The following SLC2A14 variants were observed in gnomAD, a reference collection of about 807,000 sequenced individuals.
SLC2A14 encodes solute carrier family 2 member 14, also known as solute carrier family 2, facilitated glucose transporter member 14.
SLC2A14 carries 13 observed loss-of-function variants against 43.0 expected under a neutral mutation model. That is an observed-to-expected ratio of 0.30 (90% confidence interval 0.20 to 0.48). The LOEUF (loss-of-function observed/expected upper bound fraction) is 0.48, where lower values mean the gene tolerates loss of function less well. Among genes scored for constraint, SLC2A14 ranks in the 20% least tolerant of loss-of-function variants. The probability of loss-of-function intolerance (pLI) is 0.99; values close to 1 mark genes in which losing one functional copy is unlikely to be tolerated. For synonymous variants in SLC2A14, 190 were observed against 233.8 expected (o/e 0.81, Z 1.71); for missense variants, 428 against 620.4 (o/e 0.69, Z 3.29).
At chr12:7,855,346 C>T (rs1867271424) in intron 2 of SLC2A14, among the ~76,000 whole-genome samples, 1 of 151,876 alleles carries the variant, frequency 6.6e-6, no homozygotes, top group Non-Finnish European at 1.5e-5. Flanking sequence ...CCTATGTTGC[C>T]CATAGACTGG....
chr12:7,842,584 A>T (rs1866055826), intron 2 of SLC2A14, among the ~76,000 whole-genome samples: 1 of 152,190 alleles, frequency 6.6e-6, no homozygotes, highest in Non-Finnish European at 1.5e-5. Flanking sequence ...CTCTAAAGCT[A>T]TAAATGTCCT....
In SLC2A14 at chr12:7,871,403, C is replaced by G. The variant is rs934154232; in HGVS notation, c.-58+1404G>C. ...CACCCCAGCCCTCGCGACACCCTGG[C>G]CCCCCCGCCAGTCATCTCCCCACCC... On this transcript the variant is annotated intron_variant, in intron 1 of 10. Coordinates refer to ENST00000431042, the MANE Select transcript of SLC2A14 (RefSeq NM_001286234.2). 7.2e-6 allele frequency: 2 copies of G among 277,632 alleles called. 1 individual carries two copies. Among genetic ancestry groups the G allele is most frequent in the African/African-American group, 4.6e-5 (2 of 43,622 alleles). 17.2% of individuals were successfully genotyped at this position (277,632 alleles called of 1,614,324 possible).
intron 7 of SLC2A14, among the ~76,000 whole-genome samples, chr12:7,821,825 C>T (rs866504573): frequency 8.6e-5 from 11 of 127,206 alleles, no homozygotes; most frequent in East Asian, 6.9e-4. Context: ...GTATTTCTTT[C>T]TTTTTTTTTT....
At chr12:7,845,839 C>A (rs1162265571) in intron 2 of SLC2A14, among the ~76,000 whole-genome samples, 1 of 148,634 alleles carries the variant, frequency 6.7e-6, no homozygotes, top group Admixed American at 6.8e-5. Flanking sequence ...CGCCTGTAAT[C>A]GCAGCACTTT....
intron 1 of SLC2A14, among the ~76,000 whole-genome samples, chr12:7,884,191 A>G (rs1945649957): frequency 6.6e-6 from 1 of 151,996 alleles, no homozygotes; most frequent in Admixed American, 6.6e-5. Context: ...AAGTGCTGGG[A>G]TTACAGGCAT....
At chr12:7,864,936 C>T (rs1299521973) in intron 2 of SLC2A14, among the ~76,000 whole-genome samples, 1 of 152,134 alleles carries the variant, frequency 6.6e-6, no homozygotes, top group Non-Finnish European at 1.5e-5. Context: ...CTCAAATTTA[C>T]CGTAAAGAGG....
intron 1 of SLC2A14, 80 bp from the exon 2 acceptor site, chr12:7,870,017 C>T (rs1945138418): frequency 1.3e-6 from 1 of 742,016 alleles, no homozygotes; most frequent in Non-Finnish European, 2.1e-6. Context: ...ATTTAGCCCC[C>T]TCGCCAATGG....
At chr12:7,873,642 A>AAAACAAAC (rs144363840), upstream of SLC2A14, among the ~76,000 whole-genome samples, 308 of 151,168 alleles carry the variant, frequency 2.0e-3, 2 homozygotes, top group African/African-American at 6.7e-3. Flanking sequence ...TCCGTCTCAA[A>AAAACAAAC]AAACAAACAA....
At chr12:7,879,582 G>A (rs12319442) in intron 1 of SLC2A14, among the ~76,000 whole-genome samples, 4,442 of 152,136 alleles carry the variant, frequency 0.029, 180 homozygotes, top group African/African-American at 0.087. Context: ...TACTTGGGAG[G>A]CTAAGGCAGG....
chr12:7,815,095 G>A (rs930579006), intron 10 of SLC2A14, among the ~76,000 whole-genome samples: 2 of 151,738 alleles, frequency 1.3e-5, no homozygotes, highest in Admixed American at 1.3e-4. Flanking sequence ...ACTGCACCTG[G>A]CCTTGAGTAT....
At chr12:7,818,134 G>A (rs1294302377) in intron 9 of SLC2A14, 100 bp from the exon 10 acceptor site, 6 of 1,044,124 alleles carry the variant, frequency 5.7e-6, no homozygotes, top group Middle Eastern at 2.3e-4. Context: ...CTGTCCTGAC[G>A]TACAATACAA....
chr12:7,845,753 T>C (rs191428740), intron 2 of SLC2A14, among the ~76,000 whole-genome samples: 1,706 of 106,162 alleles, frequency 0.016, 24 homozygotes, highest in Non-Finnish European at 0.018. Context: ...CACTCCAGCC[T>C]GGGCGACACA....
intron 1 of SLC2A14, among the ~76,000 whole-genome samples, chr12:7,882,480 C>T (rs1323642668): frequency 1.3e-5 from 2 of 152,042 alleles, no homozygotes; most frequent in Admixed American, 6.6e-5. Context: ...ACACAGCGCC[C>T]CTCCACTCCA....
At chr12:7,871,773 T>C in intron 1 of SLC2A14, 1 of 349,446 alleles carries the variant, frequency 2.9e-6, no homozygotes, top group African/African-American at 2.2e-5. Context: ...CCATTTCACA[T>C]GCATCCCCAC....
chr12:7,829,941 T>C lies in SLC2A14; in HGVS notation c.338A>G (p.Lys113Arg). 1.2e-6 allele frequency: 2 copies of C among 1,614,176 alleles called. No individual in the cohort carries two copies. The highest frequency in any genetic ancestry group is 1.7e-6 in the Non-Finnish European group (2 of 1,180,028). The change falls in exon 5 of 11, where the codon AAA becomes AGA. Residue 113 changes from lysine to arginine, a missense_variant. Physicochemically the swap from Lys to Arg is conservative, Grantham distance 26. This residue lies in a region of SLC2A14 where 185 missense variants were observed against 275.4 expected (regional missense o/e 0.67). Coordinates refer to ENST00000431042, the MANE Select transcript of SLC2A14 (RefSeq NM_001286234.2). ...ATGGCLMGLC[K>R]IAESVEMLIL... ...CAGCATTTCAACTGACTCAGCTATT[T>C]TACACAGTCCCATAAGGCAGCCACC...
intron 7 of SLC2A14, among the ~76,000 whole-genome samples, chr12:7,824,540 C>T (rs1864183538): frequency 6.6e-6 from 1 of 151,248 alleles, no homozygotes; most frequent in Non-Finnish European, 1.5e-5. Flanking sequence ...TCGAGACCAG[C>T]CTGACTAACC....
Position 7,814,338 on chromosome 12 carries a change from T to C in SLC2A14, c.1472A>G (p.Lys491Arg). ...VMGMNSIEPA[K>R]ETTTNV Reference sequence around the variant, plus strand: ...GACTTAGACATTGGTGGTGGTCTCCTTAGCAGGCTCGATGCTGTTCATCCC... The same window carrying C: ...GACTTAGACATTGGTGGTGGTCTCCCTAGCAGGCTCGATGCTGTTCATCCC... Residue 491 changes from lysine to arginine, a missense_variant, in exon 11 of 11, where the codon AAG (lysine) becomes AGG (arginine). By Grantham distance (26) the Lys-to-Arg change is conservative (BLOSUM62 2). Coordinates refer to ENST00000431042, the MANE Select transcript of SLC2A14 (RefSeq NM_001286234.2). 2 of 1,609,210 alleles carry C rather than the reference T, an allele frequency of 1.2e-6. No homozygotes were observed. The highest frequency in any genetic ancestry group is 1.7e-6 in the Non-Finnish European group (2 of 1,178,044).
Position 7,889,396 on chromosome 12 carries a change from C to T in SLC2A14, c.132+1600G>A, listed in dbSNP as rs1160147357. 4.0e-5 allele frequency among the ~76,000 whole-genome samples: 6 copies of T among 151,740 alleles called. No individual in the cohort carries two copies. The South Asian group carries it at 6.3e-4, about 16-fold the overall frequency. ...GATTACAGGCATGCACCATCACGCC[C>T]GGCTAATTTTGTATTTTTAGTAGAG... On this transcript the variant is annotated intron_variant, in intron 1 of 9. Transcript: ENST00000539924.
At chr12:7,835,068 T>C (rs916577128) in intron 2 of SLC2A14, among the ~76,000 whole-genome samples, 6 of 151,154 alleles carry the variant, frequency 4.0e-5, no homozygotes, top group African/African-American at 1.5e-4. Flanking sequence ...CTGTGTCATT[T>C]GATTCCTTTT....
Sources: allele counts gnomAD v4.1 joint callset (sites outside exome capture counted in the v4.1 genomes callset), GRCh38; gene constraint gnomAD v4.1.1; regional missense constraint gnomAD v4.1.1; transcripts MANE v1.5; gene names NCBI Gene and HGNC (gene_info 2026-07-23, HGNC 2026-07-21).